PICALM: variants seen among roughly 807,000 people sequenced by gnomAD.
PICALM encodes phosphatidylinositol binding clathrin assembly protein, also known as phosphatidylinositol-binding clathrin assembly protein.
In PICALM, 40 loss-of-function variants were observed where a neutral mutation model predicts 80.5. The ratio of observed to expected loss-of-function variants is 0.50; its 90% CI spans 0.39 to 0.65. The LOEUF (loss-of-function observed/expected upper bound fraction) is 0.65, where lower values mean the gene tolerates loss of function less well. Ranked by LOEUF, PICALM falls within the 30% of genes least tolerant of loss-of-function variation. The probability of loss-of-function intolerance (pLI) is 0.00; values close to 1 mark genes in which losing one functional copy is unlikely to be tolerated. For synonymous variants in PICALM, 288 were observed against 260.3 expected (o/e 1.11, Z -1.02); for missense variants, 676 against 778.9 (o/e 0.87, Z 1.57).
chr11:86,014,869 C>T lies in PICALM; in HGVS notation c.546+1G>A. Reference sequence around the variant, plus strand: ...TCTTAAATTACAAAAGCATAACTCACATTAAAATCAAGAAGTGCATCCATC... The same window carrying T: ...TCTTAAATTACAAAAGCATAACTCATATTAAAATCAAGAAGTGCATCCATC... On this transcript the variant is annotated splice_donor_variant, in intron 5 of 19. Transcript: ENST00000393346. LOFTEE classifies it high-confidence loss of function. 1 of 1,477,066 alleles carries T rather than the reference C, an allele frequency of 6.8e-7. No individual in the cohort carries two copies. Among genetic ancestry groups the T allele is most frequent in the Non-Finnish European group, 9.3e-7 (1 of 1,071,076 alleles). 91.5% of individuals were successfully genotyped at this position (1,477,066 alleles called of 1,614,324 possible).
At chr11:86,025,374 T>C (rs1161357880) in intron 3 of PICALM, among the ~76,000 whole-genome samples, 1 of 151,724 alleles carries the variant, frequency 6.6e-6, no homozygotes, top group Non-Finnish European at 1.5e-5. Context: ...CACTCCAGCC[T>C]GGTGACAGAA....
chr11:86,012,255 T>A (rs369099696), intron 6 of PICALM, 26 bp downstream of exon 6: 2 of 1,239,152 alleles, frequency 1.6e-6, no homozygotes, highest in South Asian at 2.5e-5. Context: ...AGATAAGAAA[T>A]GTTATTAGGC....
chr11:85,957,884 G>A lies in PICALM; in HGVS notation c.*1162C>T, dbSNP rs1414886168. Reference sequence around the variant, plus strand: ...TAAAGATGTATTTACACAAAGCACCGATCAACAGTGCAGTTTAATTCTTCG... The same window carrying A: ...TAAAGATGTATTTACACAAAGCACCAATCAACAGTGCAGTTTAATTCTTCG... On this transcript the variant is annotated 3_prime_UTR_variant, in exon 20 of 20. Coordinates refer to ENST00000393346, the MANE Select transcript of PICALM (RefSeq NM_007166.4). The A allele has an allele frequency of 1.3e-5, 3 of 224,040 alleles. No individual in the cohort carries two copies. Among genetic ancestry groups the A allele is most frequent in the South Asian group, 1.8e-4 (1 of 5,440 alleles). 13.9% of individuals were successfully genotyped at this position (224,040 alleles called of 1,614,324 possible). A position where few individuals can be genotyped will look rare whatever the true frequency, so the allele number is the denominator to read the frequency against.
At chr11:86,000,371 T>G (rs1025165440) in intron 11 of PICALM, among the ~76,000 whole-genome samples, 1 of 152,246 alleles carries the variant, frequency 6.6e-6, no homozygotes. Context: ...TAATCATAAT[T>G]TTTACACAAT....
chr11:85,983,742 G>A (rs931289923), intron 14 of PICALM, 124 bp downstream of exon 14: 1 of 493,680 alleles, frequency 2.0e-6, no homozygotes, highest in African/African-American at 2.0e-5. Context: ...TTGGGGGGAT[G>A]GGACAATTTC....
intron 12 of PICALM, among the ~76,000 whole-genome samples, 159 bp downstream of exon 12, chr11:85,996,667 A>G (rs1462041904): frequency 4.6e-5 from 7 of 152,220 alleles, no homozygotes. Flanking sequence ...TTTATAATAA[A>G]TGAACATACC....
chr11:86,031,502 A>T lies in PICALM; in HGVS notation c.240T>A (p.Ile80=). The T allele has an allele frequency of 6.2e-7, 1 of 1,612,942 alleles. No individual in the cohort carries two copies. ...CATACACCATCAAATGATGAGTTGTAATGAGAGATTTGAAGACCACCACCC... is the reference window on the plus strand; with the variant it reads ...CATACACCATCAAATGATGAGTTGTTATGAGAGATTTGAAGACCACCACCC... ...SSWVVVFKSL[I]TTHHLMVYGN... Residue 80 remains isoleucine, a synonymous_variant, in exon 2 of 20, where the codon ATT becomes ATA. Coordinates refer to ENST00000393346, the MANE Select transcript of PICALM (RefSeq NM_007166.4).
chr11:86,024,658 T>C (rs2095621851), intron 3 of PICALM, among the ~76,000 whole-genome samples: 1 of 152,160 alleles, frequency 6.6e-6, no homozygotes, highest in Non-Finnish European at 1.5e-5. Flanking sequence ...TAAAAAATTT[T>C]TGTGCTTGAT....
chr11:85,959,069 A>G lies in PICALM; in HGVS notation c.1945-9T>C, dbSNP rs745892796. On this transcript the variant is annotated splice_polypyrimidine_tract_variant and intron_variant, in intron 19 of 19. Transcript: ENST00000393346. ...AGTTACATAAACTGTATCTGGAAAAAAAAAGTGGGTATGTTAATTCATTGT... is the reference window on the plus strand; with the variant it reads ...AGTTACATAAACTGTATCTGGAAAAGAAAAGTGGGTATGTTAATTCATTGT... 22 of 1,572,524 alleles carry G rather than the reference A, an allele frequency of 1.4e-5. No individual in the cohort carries two copies. The highest frequency in any genetic ancestry group is 1.7e-5 in the Non-Finnish European group (19 of 1,147,248).
At chr11:86,003,285 A>C in intron 9 of PICALM, 81 bp downstream of exon 9, 3 of 687,538 alleles carry the variant, frequency 4.4e-6, no homozygotes, top group Non-Finnish European at 7.5e-6. Context: ...AGAGAAATTA[A>C]ACAGCTTGGA....
At chr11:85,994,409 A>C (rs556902382) in intron 12 of PICALM, among the ~76,000 whole-genome samples, 5 of 152,334 alleles carry the variant, frequency 3.3e-5, no homozygotes, top group African/African-American at 9.6e-5. Flanking sequence ...ATATACATAT[A>C]AACTTTTCTT....
intron 1 of PICALM, among the ~76,000 whole-genome samples, chr11:86,034,712 T>A (rs1182599510): frequency 1.3e-5 from 2 of 150,258 alleles, no homozygotes; most frequent in Non-Finnish European, 3.0e-5. Context: ...TAGGTATGAG[T>A]GAGAATTTAC....
At chr11:85,968,624 T>C (rs2093989054) in intron 19 of PICALM, among the ~76,000 whole-genome samples, 1 of 152,182 alleles carries the variant, frequency 6.6e-6, no homozygotes, top group Non-Finnish European at 1.5e-5. Context: ...ACTAAAGAAT[T>C]AGTTTATGAA....
chr11:86,051,571 G>C (rs2096188252), intron 1 of PICALM, among the ~76,000 whole-genome samples: 1 of 152,134 alleles, frequency 6.6e-6, no homozygotes, highest in African/African-American at 2.4e-5. Flanking sequence ...TGAAGCAGGA[G>C]AATCACTTGA....
At position 86,027,210 on chromosome 11, in the gene PICALM, C is replaced by T. The variant is rs565791082; in HGVS notation, c.274-843G>A. On this transcript the variant is annotated intron_variant, in intron 2 of 19. Transcript: ENST00000393346. ...GTATTGACATATTTCTTCATGGTCT[C>T]CATGCATAAGTATATGAGTATATGA... Among the ~76,000 whole-genome samples, 5 of 152,246 alleles carry T rather than the reference C, an allele frequency of 3.3e-5. No individual in the cohort carries two copies. In the South Asian group the frequency reaches 8.3e-4, roughly 25 times the overall value.
chr11:85,998,423 A>AT (rs1490478091), intron 11 of PICALM, among the ~76,000 whole-genome samples: 1 of 151,758 alleles, frequency 6.6e-6, no homozygotes. Context: ...CTTCTATGTG[A>AT]TTTTAATGAA....
rs1450384791 is a variant in PICALM at position 86,000,759 on chromosome 11, A to C, written c.1038T>G (p.Leu346=). Residue 346 remains leucine, a synonymous_variant, in exon 11 of 20, where the codon CTT becomes CTG. Transcript: ENST00000393346. The part of the protein sequence containing the change: ...KALKEQRLKE[L]AKKPHTSLTT... ...TTAAAGAGGTATGAGGTTTCTTTGC[A>C]AGTTCTTTTAGGCGCTGTTCCTGTT... 2 of 1,613,026 alleles carry C rather than the reference A, an allele frequency of 1.2e-6. No homozygotes were observed. The highest frequency in any genetic ancestry group is 1.7e-5 in the Admixed American group (1 of 60,002).
chr11:86,001,514 TGA>T (rs2095144105), intron 9 of PICALM, among the ~76,000 whole-genome samples: 2 of 152,202 alleles, frequency 1.3e-5, no homozygotes, highest in South Asian at 4.1e-4. Flanking sequence ...GAAAAAGTGT[TGA>T]GTTTATCACA....
rs188139367 is a variant in PICALM, at chr11:86,036,939, A to G, written c.131-5328T>C. The stretch of plus-strand genomic sequence containing the variant: ...CAACACAGGGAGATCCTGTCTCAAC[A>G]ACAACCAAAAAAAAAAAATTTTTTT... On this transcript the variant is annotated intron_variant, in intron 1 of 19. Coordinates refer to ENST00000393346, the MANE Select transcript of PICALM (RefSeq NM_007166.4). Among the ~76,000 whole-genome samples, 318 of 132,112 alleles carry G rather than the reference A, an allele frequency of 2.4e-3. 1 individual carries two copies. Among genetic ancestry groups the G allele is most frequent in the African/African-American group, 9.2e-3 (304 of 32,992 alleles). The allele number at this position is 132,112 out of a possible 152,430, so 86.7% of individuals were successfully genotyped here. A position where few individuals can be genotyped will look rare whatever the true frequency, so the allele number is the denominator to read the frequency against.
Sources: allele counts gnomAD v4.1 joint callset (sites outside exome capture counted in the v4.1 genomes callset), GRCh38; gene constraint gnomAD v4.1.1; transcripts MANE v1.5; gene names NCBI Gene and HGNC (gene_info 2026-07-23, HGNC 2026-07-21).